Variants in ANKRD12 observed in about 807,000 individuals in gnomAD.
ANKRD12 encodes the protein ankyrin repeat domain 12.
A neutral mutation model predicts 183.4 loss-of-function variants in ANKRD12; 85 were observed. That is an observed-to-expected ratio of 0.46 (90% CI 0.39 to 0.56). The LOEUF (loss-of-function observed/expected upper bound fraction) is 0.56, where lower values mean the gene tolerates loss of function less well. Ranked by LOEUF, ANKRD12 falls within the 20% of genes least tolerant of loss-of-function variation. The pLI is 0.00. For missense variants in ANKRD12, 2,405 were observed against 2,357.1 expected (o/e 1.02, Z -0.42); for synonymous variants, 914 against 800.2 (o/e 1.14, Z -2.40).
intron 1 of ANKRD12, among the ~76,000 whole-genome samples, chr18:9,169,865 C>T (rs534680477): frequency 1.1e-4 from 16 of 152,216 alleles, no homozygotes; most frequent in African/African-American, 2.2e-4. Context: ...TGTTCCTTTC[C>T]ATGTTTAGTG....
At chr18:9,264,843 G>C (rs1034457263) in intron 10 of ANKRD12, among the ~76,000 whole-genome samples, 1 of 152,190 alleles carries the variant, frequency 6.6e-6, no homozygotes, top group Non-Finnish European at 1.5e-5. Flanking sequence ...CCACCTTACA[G>C]TTAAGAATTC....
At chr18:9,187,268 A>G (rs1361850057) in intron 2 of ANKRD12, among the ~76,000 whole-genome samples, 1 of 152,074 alleles carries the variant, frequency 6.6e-6, no homozygotes, top group African/African-American at 2.4e-5. Context: ...AAAAAAAAAA[A>G]TTAGCTGGAT....
chr18:9,147,523 C>T (rs1482094485), intron 1 of ANKRD12, among the ~76,000 whole-genome samples: 1 of 152,098 alleles, frequency 6.6e-6, no homozygotes, highest in Non-Finnish European at 1.5e-5. Flanking sequence ...TTTCCTTTTT[C>T]TCTAGACCTA....
At chr18:9,269,954 A>T (rs949640977) in intron 10 of ANKRD12, among the ~76,000 whole-genome samples, 2 of 152,266 alleles carry the variant, frequency 1.3e-5, no homozygotes, top group East Asian at 3.8e-4. Flanking sequence ...TGGGTGAAGG[A>T]TATGAACAGA....
At chr18:9,252,701 G>T (rs993708240) in intron 8 of ANKRD12, among the ~76,000 whole-genome samples, 1 of 151,808 alleles carries the variant, frequency 6.6e-6, no homozygotes, top group Admixed American at 6.5e-5. Context: ...ACAGTGGCTC[G>T]TGCCTGTATT....
intron 10 of ANKRD12, among the ~76,000 whole-genome samples, chr18:9,271,422 G>A (rs1402891400): frequency 6.6e-6 from 1 of 152,188 alleles, no homozygotes; most frequent in Non-Finnish European, 1.5e-5. Context: ...GGGAGGCTGA[G>A]GCAGGAGAAC....
intron 1 of ANKRD12, among the ~76,000 whole-genome samples, chr18:9,172,023 C>CT (rs2032782821): frequency 1.0e-5 from 1 of 95,738 alleles, no homozygotes; most frequent in Non-Finnish European, 2.4e-5. Context: ...GAAGCTCCAC[C>CT]TCAAAAAAAA....
At chr18:9,229,292 A>G (rs1420974967) in intron 8 of ANKRD12, among the ~76,000 whole-genome samples, 1 of 151,990 alleles carries the variant, frequency 6.6e-6, no homozygotes, top group East Asian at 1.9e-4. Context: ...TTTTGTTTCC[A>G]TACATGTTTA....
In ANKRD12 at chr18:9,255,289, A is replaced by G; in HGVS notation, c.2022A>G (p.Glu674=). The G allele has an allele frequency of 2.5e-6, 4 of 1,577,364 alleles. No individual in the cohort carries two copies. Among genetic ancestry groups the G allele is most frequent in the Non-Finnish European group, 3.4e-6 (4 of 1,170,196 alleles). Residue 674 remains glutamate (E), a synonymous_variant, in exon 9 of 13, where the codon GAA becomes GAG. Coordinates refer to ENST00000262126, the MANE Select transcript of ANKRD12 (RefSeq NM_015208.5). ...KHKKEIEGEK[E]KYKTKDSAKE... ...AAAAAGAAATTGAAGGTGAAAAGGA[A>G]AAATACAAAACTAAGGATAGTGCCA...
At chr18:9,171,146 G>T (rs1397363608) in intron 1 of ANKRD12, among the ~76,000 whole-genome samples, 1 of 152,158 alleles carries the variant, frequency 6.6e-6, no homozygotes, top group Non-Finnish European at 1.5e-5. Flanking sequence ...GGCTACTCGG[G>T]GGTCAAGGAC....
chr18:9,176,692 T>C (rs1032165590), intron 1 of ANKRD12, among the ~76,000 whole-genome samples: 6 of 152,246 alleles, frequency 3.9e-5, no homozygotes, highest in African/African-American at 1.2e-4. Context: ...ACTAGAGTTT[T>C]TGATGTACGT....
rs544606965 is a variant in ANKRD12 at position 9,229,484 on chromosome 18, A to G, written c.943+7485A>G. Reference sequence around the variant, plus strand: ...TCAGTTTCTTCCATCAGCGTTTTGTAGTTTTCTTTGTAGAGATCTTTCACC... The same window carrying G: ...TCAGTTTCTTCCATCAGCGTTTTGTGGTTTTCTTTGTAGAGATCTTTCACC... On this transcript the variant is annotated intron_variant, in intron 8 of 12. Coordinates refer to ENST00000262126, the MANE Select transcript of ANKRD12 (RefSeq NM_015208.5). Among the ~76,000 whole-genome samples, 6 of 151,970 alleles carry G rather than the reference A, an allele frequency of 3.9e-5. No homozygotes were observed. In the South Asian group the frequency reaches 1.2e-3, roughly 32 times the overall value.
intron 8 of ANKRD12, among the ~76,000 whole-genome samples, chr18:9,229,476 C>T (rs904967989): frequency 2.6e-5 from 4 of 151,930 alleles, no homozygotes; most frequent in Admixed American, 6.6e-5. Flanking sequence ...CTTCCATCAG[C>T]GTTTTGTAGT....
At chr18:9,235,888 G>T (rs545456895) in intron 8 of ANKRD12, 12 of 270,268 alleles carry the variant, frequency 4.4e-5, no homozygotes, top group South Asian at 4.2e-4. Flanking sequence ...TCTTCTCTGG[G>T]AAAATCTTAT....
chr18:9,202,221 G>A (rs1476997002), intron 3 of ANKRD12, among the ~76,000 whole-genome samples: 1 of 152,166 alleles, frequency 6.6e-6, no homozygotes, highest in African/African-American at 2.4e-5. Flanking sequence ...TGTAGAATAT[G>A]TTGAAATTTT....
chr18:9,168,279 A>G (rs890556929), intron 1 of ANKRD12, among the ~76,000 whole-genome samples: 9 of 152,228 alleles, frequency 5.9e-5, no homozygotes, highest in South Asian at 4.2e-4. Flanking sequence ...GATTGGAATA[A>G]TTTCAGAAGG....
intron 10 of ANKRD12, 111 bp downstream of exon 10, chr18:9,263,999 G>A (rs2039134775): frequency 9.9e-7 from 1 of 1,012,454 alleles, no homozygotes; most frequent in East Asian, 3.2e-5. Flanking sequence ...GAACCATTTT[G>A]AGAAGTGATT....
At chr18:9,191,480 T>G (rs933461440) in intron 2 of ANKRD12, among the ~76,000 whole-genome samples, 1 of 149,350 alleles carries the variant, frequency 6.7e-6, no homozygotes, top group African/African-American at 2.5e-5. Flanking sequence ...ATCACATAGG[T>G]TTTTTTTTTA....
At chr18:9,233,461 G>A (rs148831442) in intron 8 of ANKRD12, among the ~76,000 whole-genome samples, 125 of 152,020 alleles carry the variant, frequency 8.2e-4, no homozygotes, top group African/African-American at 2.2e-3. Flanking sequence ...AATTACTGTG[G>A]GGGTGTCATA....
Sources: allele counts gnomAD v4.1 joint callset (sites outside exome capture counted in the v4.1 genomes callset), GRCh38; gene constraint gnomAD v4.1.1; transcripts MANE v1.5; gene names NCBI Gene and HGNC (gene_info 2026-07-23, HGNC 2026-07-21).